Variants in SETD1A observed in about 807,000 individuals in gnomAD.
SETD1A encodes histone-lysine N-methyltransferase SETD1A.
Under a neutral mutation model 149.9 loss-of-function variants are expected in SETD1A, and 29 were observed. The ratio of observed to expected loss-of-function variants is 0.19; its 90% CI spans 0.14 to 0.26. The LOEUF is 0.26. Among genes scored for constraint, SETD1A ranks in the 10% least tolerant of loss-of-function variants. The pLI, the probability that SETD1A is intolerant of heterozygous loss-of-function variation, is 1.00. For missense variants in SETD1A, 2,109 were observed against 2,353.1 expected (o/e 0.90, Z 2.15); for synonymous variants, 1,141 against 968.5 (o/e 1.18, Z -3.31).
chr16:30,979,106 T>C, intron 13 of SETD1A, 39 bp from the exon 14 acceptor site: 4 of 1,496,034 alleles, frequency 2.7e-6, no homozygotes, highest in Non-Finnish European at 3.6e-6. Flanking sequence ...AGCCTGGGTC[T>C]CCCTGACCTC....
At chr16:30,968,146 T>C (rs1332909481) in intron 10 of SETD1A, among the ~76,000 whole-genome samples, 1 of 152,196 alleles carries the variant, frequency 6.6e-6, no homozygotes, top group East Asian at 1.9e-4. Flanking sequence ...GGCTCCTGAC[T>C]GTAATCCCAG....
intron 13 of SETD1A, among the ~76,000 whole-genome samples, chr16:30,972,228 G>A (rs1317667548): frequency 6.6e-6 from 1 of 152,178 alleles, no homozygotes; most frequent in African/African-American, 2.4e-5. Context: ...ATTTTTTTGA[G>A]TGCTCATCGC....
chr16:30,968,813 T>C (rs968445078), intron 10 of SETD1A, among the ~76,000 whole-genome samples: 5 of 146,712 alleles, frequency 3.4e-5, no homozygotes, highest in African/African-American at 7.6e-5. Flanking sequence ...AAAAAAAATA[T>C]ATATATATAT....
In SETD1A at chr16:30,967,075, C is replaced by G; in HGVS notation, c.2682+15C>G. ...CTTCATTCAAGGTACTCAGAACTGT[C>G]GTTTTGTGGGGTAGGGTGGGGAGAG... On this transcript the variant is annotated intron_variant, in intron 9 of 18. Transcript: ENST00000262519. The G allele has an allele frequency of 6.8e-7, 1 of 1,463,616 alleles. No homozygotes were observed. The highest frequency in any genetic ancestry group is 9.2e-7 in the Non-Finnish European group (1 of 1,091,716). 90.7% of individuals were successfully genotyped at this position (1,463,616 alleles called of 1,614,324 possible). A position where few individuals can be genotyped will look rare whatever the true frequency, so the allele number is the denominator to read the frequency against.
In SETD1A at chr16:30,964,280, C is replaced by T. The variant is rs747410617; in HGVS notation, c.826C>T (p.Arg276Trp). ...CTCCCAAGGAACCCCCTACACGTCT[C>T]GGGGCAGCACCCCCTACTCTCAGGA... is the stretch of plus-strand genomic sequence containing the variant. The part of the protein sequence containing the change: ...QSSQGTPYTS[R>W]GSTPYSQDSA... The change falls in exon 6 of 19, where the codon CGG becomes TGG. Residue 276 changes from arginine to tryptophan, a missense_variant. By Grantham distance (101) the Arg-to-Trp change is moderately radical. Around this residue, in one of 8 missense-constraint regions of SETD1A, gnomAD observed 410 missense variants for 394.8 expected, o/e 1.04. Coordinates refer to ENST00000262519, the MANE Select transcript of SETD1A (RefSeq NM_014712.3). 8 of 1,613,852 alleles carry T rather than the reference C, an allele frequency of 5.0e-6. No individual in the cohort carries two copies. Among genetic ancestry groups the T allele is most frequent in the South Asian group, 3.3e-5 (3 of 91,088 alleles).
Position 30,983,582 on chromosome 16 carries a change from CAG to C in SETD1A, c.4813-52_4813-51del, listed in dbSNP as rs1225452192. The stretch of plus-strand genomic sequence containing the variant: ...TGGGGTGCTGGCTGGCAGGCGTGCT[CAG>C]GGGCAGGAAGTGGGGGACTCTTCCC... On this transcript the variant is annotated intron_variant, in intron 17 of 18. Transcript: ENST00000262519. This position sits in a 1 kb window ranked among gnomAD's most constrained non-coding sequence, Gnocchi z 6.8. 1.3e-6 allele frequency: 2 copies of C among 1,581,722 alleles called. No homozygotes were observed. Among genetic ancestry groups the C allele is most frequent in the Non-Finnish European group, 1.7e-6 (2 of 1,165,958 alleles).
At chr16:30,982,365 G>A (rs2056389815) in intron 17 of SETD1A, among the ~76,000 whole-genome samples, 1 of 152,090 alleles carries the variant, frequency 6.6e-6, no homozygotes, top group African/African-American at 2.4e-5. Context: ...GCCAGGCGTG[G>A]TGGCAGGCGC....
rs971574322 is a variant in SETD1A at position 30,965,257 on chromosome 16, C to T, written c.1515C>T (p.Phe505=). 3.7e-6 allele frequency: 6 copies of T among 1,614,144 alleles called. No individual in the cohort carries two copies. In the African/African-American group the frequency reaches 4.0e-5, roughly 11 times the overall value. ...LLKEQRSKFS[F]LASDTEEEEE... is the part of the protein sequence containing the mutation. ...AGGAGCAGCGCTCCAAGTTTTCCTT[C>T]TTGGCCTCTGACACAGAGGAGGAGG... Residue 505 remains phenylalanine, a synonymous_variant, in exon 7 of 19, where the codon TTC becomes TTT. Coordinates refer to ENST00000262519, the MANE Select transcript of SETD1A (RefSeq NM_014712.3).
rs142363272 is a variant in SETD1A, at chr16:30,965,322, G to A, written c.1580G>A (p.Gly527Glu). Residue 527 changes from glycine to glutamate, a missense_variant, in exon 7 of 19, where the codon GGG becomes GAG. Coordinates refer to ENST00000262519, the MANE Select transcript of SETD1A (RefSeq NM_014712.3). ...ATGGTCCTTGGGGCCAGAGATACAG[G>A]GAGTGAGGTGCCTTCTGGGTCAGGG... ...SSMVLGARDT[G>E]SEVPSGSGHG... 1 of 1,614,234 alleles carries A rather than the reference G, an allele frequency of 6.2e-7. No homozygotes were observed. Among genetic ancestry groups the A allele is most frequent in the Non-Finnish European group, 8.5e-7 (1 of 1,180,046 alleles).
chr16:30,970,029 G>C (rs2056205056), intron 12 of SETD1A, among the ~76,000 whole-genome samples: 1 of 152,014 alleles, frequency 6.6e-6, no homozygotes, highest in Non-Finnish European at 1.5e-5. Context: ...GTGCAATGGC[G>C]CAATCTCGGC....
chr16:30,973,668 G>T (rs1418584851), intron 13 of SETD1A, among the ~76,000 whole-genome samples: 1 of 152,094 alleles, frequency 6.6e-6, no homozygotes, highest in African/African-American at 2.4e-5. Flanking sequence ...AATCAGATGT[G>T]CTGTGAAGAT....
At chr16:30,969,498 A>T (rs375560735) in intron 11 of SETD1A, 36 bp downstream of exon 11, 2 of 1,599,224 alleles carry the variant, frequency 1.3e-6, no homozygotes, top group African/African-American at 1.3e-5. Context: ...GCCGAAGCCT[A>T]CTTCCCATAG....
At position 30,980,275 on chromosome 16, in the gene SETD1A, G is replaced by C; in HGVS notation, c.4408+81G>C. 1 of 1,484,628 alleles carries C rather than the reference G, an allele frequency of 6.7e-7. No individual in the cohort carries two copies. Among genetic ancestry groups the C allele is most frequent in the Non-Finnish European group, 9.0e-7 (1 of 1,114,716 alleles). 92.0% of individuals were successfully genotyped at this position (1,484,628 alleles called of 1,614,324 possible). A position where few individuals can be genotyped will look rare whatever the true frequency, so the allele number is the denominator to read the frequency against. ...GGCACCTGCATCTGTGCCCCACTCT[G>C]TCTGCCTCCCCTCTGGCTCCAAGCC... is the stretch of plus-strand genomic sequence containing the variant. On this transcript the variant is annotated intron_variant, in intron 14 of 18. Transcript: ENST00000262519. This position sits in a 1 kb window ranked among gnomAD's most constrained non-coding sequence, Gnocchi z 7.7.
chr16:30,968,445 CAT>C (rs2056179716), intron 10 of SETD1A, among the ~76,000 whole-genome samples: 1 of 149,266 alleles, frequency 6.7e-6, no homozygotes, highest in Non-Finnish European at 1.5e-5. Context: ...TGTACACACA[CAT>C]ATGTATATAC....
chr16:30,958,265 C>T (rs991311635), intron 1 of SETD1A: 10 of 150,250 alleles, frequency 6.7e-5, no homozygotes, highest in Admixed American at 5.9e-4. Context: ...GTCTCGGGCT[C>T]GGTCTCGCGG....
At position 30,965,707 on chromosome 16, in the gene SETD1A, C is replaced by G. The variant is rs537376249; in HGVS notation, c.1826C>G (p.Pro609Arg). The change falls in exon 8 of 19, where the codon CCT (proline) becomes CGT (arginine). Residue 609 changes from proline to arginine, a missense_variant. By Grantham distance (103) the Pro-to-Arg change is moderately radical. Around this residue, in one of 8 missense-constraint regions of SETD1A, gnomAD observed 431 missense variants for 388.6 expected, o/e 1.11. Transcript: ENST00000262519. Reference sequence around the variant, plus strand: ...CCTCAGCAGCCTCCGCCACCTCCCCCTCCCCCGCCGCCTCCTCCTCCCTAC... The same window carrying G: ...CCTCAGCAGCCTCCGCCACCTCCCCGTCCCCCGCCGCCTCCTCCTCCCTAC... The part of the protein sequence containing the change: ...TPPQQPPPPP[P>R]PPPPPPPYLA... 3.1e-6 allele frequency: 5 copies of G among 1,590,230 alleles called. No individual in the cohort carries two copies. The highest frequency in any genetic ancestry group is 4.3e-6 in the Non-Finnish European group (5 of 1,168,136).
chr16:30,970,171 G>A (rs1194212186), intron 12 of SETD1A, among the ~76,000 whole-genome samples: 4 of 151,350 alleles, frequency 2.6e-5, no homozygotes, highest in Non-Finnish European at 4.4e-5. Context: ...GTTTCACTAT[G>A]TTGGCCAGAC....
At position 30,979,580 on chromosome 16, in the gene SETD1A, G is replaced by A. The variant is rs769191201; in HGVS notation, c.3794G>A (p.Arg1265Gln). Reference sequence around the variant, plus strand: ...GCCGACCTGGCCCTGACCCCTGCCCGGCGCGGGCTGCCTGCCCTGCCTGCT... The same window carrying A: ...GCCGACCTGGCCCTGACCCCTGCCCAGCGCGGGCTGCCTGCCCTGCCTGCT... ...VLADLALTPA[R>Q]RGLPALPAVE... Residue 1265 changes from arginine (R) to glutamine (Q), a missense_variant, in exon 14 of 19, where the codon CGG becomes CAG. By Grantham distance (43) the Arg-to-Gln change is conservative. Around this residue, in one of 8 missense-constraint regions of SETD1A, gnomAD observed 832 missense variants for 815.6 expected, o/e 1.02. Transcript: ENST00000262519. 1.2e-5 allele frequency: 20 copies of A among 1,610,208 alleles called. No homozygotes were observed. The highest frequency in any genetic ancestry group is 5.3e-5 in the African/African-American group (4 of 74,900).
intron 9 of SETD1A, 123 bp from the exon 10 acceptor site, chr16:30,967,378 T>A (rs2056162732): frequency 2.3e-6 from 2 of 854,604 alleles, no homozygotes; most frequent in African/African-American, 3.4e-5. Context: ...GGTCTTGAAC[T>A]CCTAACCTCA....
Sources: gnomAD v4.1 joint callset for allele counts (sites outside exome capture counted in the v4.1 genomes callset) on GRCh38, gnomAD v4.1.1 for gene constraint, gnomAD v4.1.1 regional missense constraint, Gnocchi (gnomAD v3.1) non-coding constraint, MANE v1.5 for transcripts, NCBI Gene and HGNC (gene_info 2026-07-23, HGNC 2026-07-21) for gene names.